CENPI: variants seen among roughly 807,000 people sequenced by gnomAD.
CENPI encodes the protein centromere protein I.
CENPI carries 4 observed loss-of-function variants against 60.4 expected under a neutral mutation model. That is an observed-to-expected ratio of 0.07 (90% CI 0.03 to 0.15). The LOEUF (loss-of-function observed/expected upper bound fraction) is 0.15, where lower values mean the gene tolerates loss of function less well. Ranked by LOEUF, CENPI falls within the 10% of genes least tolerant of loss-of-function variation. The pLI, the probability that CENPI is intolerant of heterozygous loss-of-function variation, is 1.00. For synonymous variants in CENPI, 157 were observed against 189.4 expected (o/e 0.83, Z 1.40); for missense variants, 444 against 534.5 (o/e 0.83, Z 1.67).
chrX:101,130,207 G>A, intron 13 of CENPI, 134 bp downstream of exon 13: 1 of 422,202 alleles, frequency 2.4e-6, no homozygotes, highest in Non-Finnish European at 4.2e-6. Flanking sequence ...GCCAAGGCGG[G>A]TGGATCACTT....
At chrX:101,145,741 T>C (rs1336262584) in intron 17 of CENPI, among the ~76,000 whole-genome samples, 1 of 109,563 alleles carries the variant, frequency 9.1e-6, no homozygotes, top group African/African-American at 3.3e-5. Context: ...GTCTCACTTT[T>C]CCCAGCTTCC....
intron 4 of CENPI, among the ~76,000 whole-genome samples, chrX:101,108,570 T>G (rs1239090782): frequency 9.0e-6 from 1 of 111,431 alleles, no homozygotes; most frequent in Non-Finnish European, 1.9e-5. Flanking sequence ...TTGAACATTT[T>G]CATCACCCCA....
At chrX:101,126,070 G>A (rs1365237102) in intron 8 of CENPI, among the ~76,000 whole-genome samples, 1 of 112,073 alleles carries the variant, frequency 8.9e-6, no homozygotes, top group Admixed American at 9.5e-5. Flanking sequence ...TGCTGCCTTT[G>A]TGCAGTATTC....
chrX:101,099,900 G>A (rs2089394352), intron 2 of CENPI: 1 of 105,515 alleles, frequency 9.5e-6, no homozygotes, highest in African/African-American at 3.5e-5. Flanking sequence ...CTATTCTCCT[G>A]CCTCACCCTC....
intron 4 of CENPI, among the ~76,000 whole-genome samples, chrX:101,106,840 T>C (rs2089488865): frequency 9.1e-6 from 1 of 110,382 alleles, no homozygotes; most frequent in South Asian, 3.8e-4. Flanking sequence ...GGTGGGCAGA[T>C]CCCTTGAGCC....
chrX:101,144,161 C>T (rs1385132592), intron 16 of CENPI, among the ~76,000 whole-genome samples: 1 of 96,641 alleles, frequency 1.0e-5, no homozygotes, highest in Non-Finnish European at 2.0e-5. Flanking sequence ...GATCTTGGCT[C>T]ACTGCAACCT....
chrX:101,158,363 C>T (rs182925413), intron 20 of CENPI, among the ~76,000 whole-genome samples: 1,213 of 105,304 alleles, frequency 0.012, 7 homozygotes, highest in Middle Eastern at 0.087. Flanking sequence ...CCACAACCTC[C>T]GCCTCCTGGG....
chrX:101,114,153 A>T (rs754467095), intron 6 of CENPI, among the ~76,000 whole-genome samples: 3 of 111,971 alleles, frequency 2.7e-5, no homozygotes, highest in East Asian at 5.6e-4. Context: ...GCTACCTGGG[A>T]GGCTGAGGCA....
downstream of CENPI, among the ~76,000 whole-genome samples, chrX:101,167,587 A>T (rs1425639806): frequency 1.8e-5 from 2 of 111,974 alleles, no homozygotes; most frequent in Non-Finnish European, 3.8e-5. Context: ...TCAATTGAAA[A>T]TTGGAATGTG....
Position 101,109,936 on chromosome X carries a change from C to A in CENPI, c.529C>A (p.Arg177Ser). ...GGTTGCAATGTTTGACTTCATTGAT[C>A]GTAAGGAGCAAATTAACTTGCTCTA... ...WLVAMFDFID[R>S]KEQINLLYGF... The change falls in exon 6 of 22, where the codon CGT (arginine) becomes AGT (serine). Residue 177 changes from arginine (R) to serine (S), a missense_variant. Coordinates refer to ENST00000682095, the MANE Select transcript of CENPI (RefSeq NM_001386188.2). 9 of 1,207,541 alleles carry A rather than the reference C, an allele frequency of 7.5e-6. No individual in the cohort carries two copies. The highest frequency in any genetic ancestry group is 9.0e-6 in the Non-Finnish European group (8 of 892,676).
At chrX:101,141,534 T>TG (rs2089914806) in intron 16 of CENPI, among the ~76,000 whole-genome samples, 1 of 110,899 alleles carries the variant, frequency 9.0e-6, no homozygotes, top group South Asian at 3.8e-4. Flanking sequence ...TTAGTAGAGA[T>TG]GGGGTTCCAC....
At chrX:101,114,473 T>C (rs2089594366) in intron 6 of CENPI, among the ~76,000 whole-genome samples, 1 of 111,769 alleles carries the variant, frequency 8.9e-6, no homozygotes, top group Non-Finnish European at 1.9e-5. Context: ...CCCATCTCTC[T>C]ATTACCCCCC....
chrX:101,169,947 AAG>A (rs201935746), downstream of CENPI, among the ~76,000 whole-genome samples: 24,466 of 111,718 alleles, frequency 0.22, 1,965 homozygotes, highest in South Asian at 0.33. Flanking sequence ...GTTATTACAA[AAG>A]AGTAAAAAAT....
chrX:101,125,640 C>A (rs893762311), intron 8 of CENPI, among the ~76,000 whole-genome samples: 1 of 111,365 alleles, frequency 9.0e-6, no homozygotes, highest in Non-Finnish European at 1.9e-5. Flanking sequence ...TCAAGTGATA[C>A]ACCCACTTCG....
downstream of CENPI, among the ~76,000 whole-genome samples, chrX:101,169,959 T>C (rs1273071754): frequency 8.9e-6 from 1 of 112,151 alleles, no homozygotes; most frequent in African/African-American, 3.2e-5. Flanking sequence ...GAGTAAAAAA[T>C]TTTAAAATTT....
rs746211292 is a variant in CENPI at position 101,161,492 on chromosome X, T to C, written c.2095-36T>C. On this transcript the variant is annotated intron_variant, in intron 20 of 21. Transcript: ENST00000682095. ...CATATCTCCCCACTTCTTTTTTGTT[T>C]TGCTTTGTTTTGTTTTTTGTTTGTT... is the stretch of plus-strand genomic sequence containing the variant. 16 of 1,180,285 alleles carry C rather than the reference T, an allele frequency of 1.4e-5. 1 individual carries two copies. The South Asian group carries it at 2.9e-4, about 21-fold the overall frequency.
intron 16 of CENPI, among the ~76,000 whole-genome samples, chrX:101,142,026 C>G (rs1393903442): frequency 8.9e-6 from 1 of 112,041 alleles, no homozygotes; most frequent in South Asian, 3.7e-4. Context: ...GCCACCACAT[C>G]CAGTCTGAAA....
chrX:101,162,471 A>ATATAT lies in CENPI; in HGVS notation c.2137-362_2137-361insTATAT, dbSNP rs1182467283. ...ACCGTATCTCAAAAAAAAAAAAAAAAAAATATATATATATATATATAATTA... is the reference window on the plus strand; with the variant it reads ...ACCGTATCTCAAAAAAAAAAAAAAAATATATAAATATATATATATATATATAATTA... On this transcript the variant is annotated intron_variant, in intron 21 of 21. Coordinates refer to ENST00000682095, the MANE Select transcript of CENPI (RefSeq NM_001386188.2). Among the ~76,000 whole-genome samples the ATATAT allele has an allele frequency of 5.4e-3, 412 of 76,170 alleles. 2 individuals carry two copies. Among genetic ancestry groups the ATATAT allele is most frequent in the African/African-American group, 0.023 (387 of 16,840 alleles). The allele number at this position is 76,170 out of a possible 115,157, so 66.1% of individuals were successfully genotyped here.
At chrX:101,120,697 G>A (rs954801896) in intron 7 of CENPI, 41 bp from the exon 8 acceptor site, 4 of 1,143,446 alleles carry the variant, frequency 3.5e-6, no homozygotes, top group Non-Finnish European at 4.8e-6. Flanking sequence ...TTTTTATTCT[G>A]AATCCAAATG....
Sources: allele counts gnomAD v4.1 joint callset (sites outside exome capture counted in the v4.1 genomes callset), GRCh38; gene constraint gnomAD v4.1.1; transcripts MANE v1.5; gene names NCBI Gene and HGNC (gene_info 2026-07-23, HGNC 2026-07-21).